Variants in PINX1 observed in about 807,000 individuals in gnomAD.
PINX1 encodes the protein PIN2/TERF1-interacting telomerase inhibitor 1.
Under a neutral mutation model 25.4 loss-of-function variants are expected in PINX1, and 34 were observed. The observed-to-expected ratio is 1.34, with a 90% confidence interval of 1.02 to 1.78. PINX1 has a LOEUF of 1.78. PINX1 is among the 40% of genes most tolerant of loss of function. PINX1 has a pLI of 0.00. For synonymous variants in PINX1, 197 were observed against 147.7 expected (o/e 1.33, Z -2.42); for missense variants, 592 against 404.9 (o/e 1.46, Z -3.97).
intron 6 of PINX1, among the ~76,000 whole-genome samples, chr8:10,790,176 T>A (rs1268904483): frequency 6.6e-6 from 1 of 151,972 alleles, no homozygotes; most frequent in Non-Finnish European, 1.5e-5. Context: ...CCTCCCCAAC[T>A]ACACCCCACC....
rs540648206 is a variant in PINX1, at chr8:10,802,555, A to G, written c.471+17638T>C. On this transcript the variant is annotated intron_variant, in intron 6 of 6. Transcript: ENST00000314787. ...CTCTTTGCCAGAATCCAGTATCAACAAAAACCTATTGGTTACTCTGCATTC... is the reference window on the plus strand; with the variant it reads ...CTCTTTGCCAGAATCCAGTATCAACGAAAACCTATTGGTTACTCTGCATTC... Among the ~76,000 whole-genome samples the G allele has an allele frequency of 3.9e-5, 6 of 152,344 alleles. No individual in the cohort carries two copies. The South Asian group carries it at 1.2e-3, about 32-fold the overall frequency.
At chr8:10,787,216 C>T (rs548929984) in intron 6 of PINX1, among the ~76,000 whole-genome samples, 3 of 147,944 alleles carry the variant, frequency 2.0e-5, no homozygotes, top group Admixed American at 1.3e-4. Context: ...TATGCACACA[C>T]ACACACACGT....
intron 5 of PINX1, among the ~76,000 whole-genome samples, chr8:10,821,514 G>C (rs767555626): frequency 5.9e-5 from 9 of 152,056 alleles, no homozygotes; most frequent in Non-Finnish European, 1.2e-4. Flanking sequence ...TTTCATTTAT[G>C]ATTAAATAGG....
intron 6 of PINX1, among the ~76,000 whole-genome samples, chr8:10,803,754 TAAA>T (rs1802345438): frequency 6.6e-6 from 1 of 152,242 alleles, no homozygotes; most frequent in Non-Finnish European, 1.5e-5. Context: ...GGCTGAACCA[TAAA>T]TAGTAGGTTC....
chr8:10,775,409 G>GA (rs1801356796), intron 6 of PINX1, among the ~76,000 whole-genome samples: 1 of 48,928 alleles, frequency 2.0e-5, no homozygotes, highest in East Asian at 4.7e-4. Context: ...TCTGTTTTGT[G>GA]GTTTTTTTTT....
At chr8:10,822,724 G>A (rs952953363) in intron 5 of PINX1, among the ~76,000 whole-genome samples, 7 of 152,246 alleles carry the variant, frequency 4.6e-5, no homozygotes, top group Admixed American at 1.3e-4. Context: ...GAATCAAGAT[G>A]ATTTGGAAAC....
At chr8:10,770,783 G>C (rs1223119331) in intron 6 of PINX1, among the ~76,000 whole-genome samples, 2 of 152,188 alleles carry the variant, frequency 1.3e-5, no homozygotes, top group East Asian at 3.9e-4. Context: ...CAACATGCCA[G>C]TCCAGGAAAT....
intron 5 of PINX1, among the ~76,000 whole-genome samples, chr8:10,822,419 A>G (rs1053618593): frequency 6.6e-6 from 1 of 152,238 alleles, no homozygotes; most frequent in African/African-American, 2.4e-5. Flanking sequence ...GGAAACATCT[A>G]TCTGGATTTG....
intron 6 of PINX1, among the ~76,000 whole-genome samples, chr8:10,777,702 G>A (rs1033706214): frequency 4.6e-5 from 7 of 152,178 alleles, no homozygotes. Flanking sequence ...TTGCATCTCT[G>A]TTGGAACTGG....
Position 10,765,887 on chromosome 8 carries a change from C to T in PINX1, c.501G>A (p.Glu167=), listed in dbSNP as rs770630074. The T allele has an allele frequency of 6.2e-7, 1 of 1,613,644 alleles. No individual in the cohort carries two copies. The highest frequency in any genetic ancestry group is 8.5e-7 in the Non-Finnish European group (1 of 1,179,838). ...AGGCGCTGGTTGTCGTGGTTTCGTT[C>T]TCCTCTGGAGTGGAGGGACTGGCAT... The part of the protein sequence containing the change: ...EGDASPSTPE[E]NETTTTSAFT... The change falls in exon 7 of 7, where the codon GAG becomes GAA. Residue 167 remains glutamate (E), a synonymous_variant. Transcript: ENST00000314787.
At chr8:10,827,410 A>G (rs891143640) in intron 4 of PINX1, among the ~76,000 whole-genome samples, 11 of 152,086 alleles carry the variant, frequency 7.2e-5, no homozygotes, top group African/African-American at 2.7e-4. Flanking sequence ...TGAGCCAGAA[A>G]GTAGGTCCTT....
intron 6 of PINX1, among the ~76,000 whole-genome samples, chr8:10,793,615 T>A (rs1801992907): frequency 6.6e-6 from 1 of 152,152 alleles, no homozygotes; most frequent in African/African-American, 2.4e-5. Flanking sequence ...TCTAAGGAAT[T>A]AATGCTAAAG....
intron 6 of PINX1, among the ~76,000 whole-genome samples, chr8:10,790,272 CAA>C (rs1051464308): frequency 6.6e-6 from 1 of 152,180 alleles, no homozygotes. Flanking sequence ...CAAATGAGAA[CAA>C]AAGAGGCTTT....
chr8:10,810,078 C>G (rs1802580191), intron 6 of PINX1, among the ~76,000 whole-genome samples: 1 of 152,150 alleles, frequency 6.6e-6, no homozygotes, highest in Non-Finnish European at 1.5e-5. Flanking sequence ...CGTGTGAACT[C>G]AGAGTGAGAA....
chr8:10,813,082 A>T (rs1423064111), intron 6 of PINX1, among the ~76,000 whole-genome samples: 1 of 152,258 alleles, frequency 6.6e-6, no homozygotes, highest in Non-Finnish European at 1.5e-5. Flanking sequence ...GGTCAAAATG[A>T]TGACAAGAAT....
chr8:10,830,018 G>C (rs961552797), intron 4 of PINX1, among the ~76,000 whole-genome samples: 2 of 152,168 alleles, frequency 1.3e-5, no homozygotes, highest in Middle Eastern at 3.2e-3. Flanking sequence ...AACTGTGATC[G>C]TAAATATCAA....
intron 5 of PINX1, among the ~76,000 whole-genome samples, chr8:10,823,089 C>G: frequency 6.6e-6 from 1 of 152,120 alleles, no homozygotes; most frequent in Middle Eastern, 3.2e-3. Flanking sequence ...TCAGACCTAC[C>G]AGGTGCTACC....
chr8:10,826,060 G>T, intron 5 of PINX1, 92 bp downstream of exon 5: 3 of 662,908 alleles, frequency 4.5e-6, no homozygotes, highest in Non-Finnish European at 8.0e-6. Flanking sequence ...CATAAAGCAT[G>T]AAGTCGCTAT....
chr8:10,782,285 G>A (rs1801609487), intron 6 of PINX1, among the ~76,000 whole-genome samples: 1 of 152,266 alleles, frequency 6.6e-6, no homozygotes, highest in African/African-American at 2.4e-5. Context: ...TGTGGGGACT[G>A]TGGCTAATAA....
Sources: allele counts gnomAD v4.1 joint callset (sites outside exome capture counted in the v4.1 genomes callset), GRCh38; gene constraint gnomAD v4.1.1; transcripts MANE v1.5; gene names NCBI Gene and HGNC (gene_info 2026-07-23, HGNC 2026-07-21).